SCN8A: variants seen among roughly 807,000 people sequenced by gnomAD.
SCN8A encodes the protein sodium voltage-gated channel alpha subunit 8, also known as sodium channel protein type 8 subunit alpha.
A neutral mutation model predicts 184.1 loss-of-function variants in SCN8A; 30 were observed. The ratio of observed to expected loss-of-function variants is 0.16; its 90% confidence interval spans 0.12 to 0.22. SCN8A has a LOEUF of 0.22. Among genes scored for constraint, SCN8A ranks in the 10% least tolerant of loss-of-function variants. The pLI is 1.00. For missense variants in SCN8A, 1,057 were observed against 2,498.9 expected (o/e 0.42, Z 12.30); for synonymous variants, 852 against 907.0 (o/e 0.94, Z 1.09).
intron 11 of SCN8A, among the ~76,000 whole-genome samples, chr12:51,709,008 G>T (rs1480416652): frequency 6.6e-6 from 1 of 152,144 alleles, no homozygotes; most frequent in African/African-American, 2.4e-5. Flanking sequence ...GATATGCTGG[G>T]GGTGTTAGAA....
chr12:51,689,629 A>G (rs1465350079), intron 6 of SCN8A: 1 of 154,226 alleles, frequency 6.5e-6, no homozygotes, highest in African/African-American at 2.4e-5. Context: ...AGTGAACTGC[A>G]CTTAAATAAT....
chr12:51,662,232 C>G (rs1352174547), intron 1 of SCN8A, among the ~76,000 whole-genome samples: 2 of 152,308 alleles, frequency 1.3e-5, no homozygotes, highest in East Asian at 3.9e-4. Context: ...AGAACTAAAG[C>G]AGATGGAAGC....
chr12:51,772,808 A>G (rs955690604), intron 19 of SCN8A, among the ~76,000 whole-genome samples: 10 of 145,684 alleles, frequency 6.9e-5, no homozygotes, highest in East Asian at 2.0e-4. Context: ...GTGAAACCCC[A>G]TCTCTACTAA....
intron 12 of SCN8A, among the ~76,000 whole-genome samples, chr12:51,741,090 G>GTCTATCTC (rs1942414573): frequency 6.6e-6 from 1 of 152,142 alleles, no homozygotes; most frequent in African/African-American, 2.4e-5. Context: ...CTAGCCTGAG[G>GTCTATCTC]TCTATCTCTT....
chr12:51,724,314 G>A (rs1238912902), intron 12 of SCN8A, among the ~76,000 whole-genome samples: 1 of 152,112 alleles, frequency 6.6e-6, no homozygotes, highest in African/African-American at 2.4e-5. Context: ...AGGCATGGTG[G>A]TATGCGCCTA....
At chr12:51,735,675 G>A (rs1160813165) in intron 12 of SCN8A, among the ~76,000 whole-genome samples, 2 of 152,172 alleles carry the variant, frequency 1.3e-5, no homozygotes, top group African/African-American at 4.8e-5. Flanking sequence ...GTGGGTGGCT[G>A]TGGTTGACGG....
At chr12:51,698,521 C>T (rs1003475212) in intron 6 of SCN8A, among the ~76,000 whole-genome samples, 2 of 152,110 alleles carry the variant, frequency 1.3e-5, no homozygotes, top group Admixed American at 6.6e-5. Flanking sequence ...CTATGGATAG[C>T]CTGATATCTG....
At chr12:51,680,186 CTG>C (rs1490582469) in intron 2 of SCN8A, among the ~76,000 whole-genome samples, 8 of 152,008 alleles carry the variant, frequency 5.3e-5, no homozygotes, top group African/African-American at 1.5e-4. Flanking sequence ...AACAGAAAAA[CTG>C]TTTTTATACT....
In SCN8A at chr12:51,620,708, CTA is replaced by C. The variant is rs143597390; in HGVS notation, c.-55+29351_-55+29352del. ...AGACTTAAAAAAAAAAAGAAAAAAA[CTA>C]TGTGTGGTGATTCACGCCTGTAATC... On this transcript the variant is annotated intron_variant, in intron 1 of 26. Transcript: ENST00000627620. Among the ~76,000 whole-genome samples, 312 of 151,644 alleles carry C rather than the reference CTA, an allele frequency of 2.1e-3. 1 individual carries two copies. The highest frequency in any genetic ancestry group is 7.2e-3 in the African/African-American group (299 of 41,356).
intron 1 of SCN8A, among the ~76,000 whole-genome samples, chr12:51,622,713 A>T (rs564970942): frequency 2.0e-5 from 3 of 151,754 alleles, no homozygotes; most frequent in Non-Finnish European, 2.9e-5. Flanking sequence ...TAAAGTTACT[A>T]TTTTTTTTCT....
At chr12:51,653,558 G>T (rs1940761887) in intron 1 of SCN8A, among the ~76,000 whole-genome samples, 2 of 152,016 alleles carry the variant, frequency 1.3e-5, no homozygotes, top group Non-Finnish European at 2.9e-5. Context: ...TTCACATTTT[G>T]TTTATTCATT....
Position 51,665,111 on chromosome 12 carries a change from T to C in SCN8A, c.276+2018T>C, listed in dbSNP as rs80322402. On this transcript the variant is annotated intron_variant, in intron 2 of 26. Transcript: ENST00000627620. ...AAACCTGACAGGAGATATGAAAAAA[T>C]ATATAGAGCTAATAGTTGTTAGAGC... Among the ~76,000 whole-genome samples, 1,347 of 152,316 alleles carry C rather than the reference T, an allele frequency of 8.8e-3. 25 individuals carry two copies. Among genetic ancestry groups the C allele is most frequent in the African/African-American group, 0.031 (1,287 of 41,554 alleles).
rs991134835 is a variant in SCN8A, at chr12:51,651,130, C to T, written c.-54-11634C>T. 2.0e-5 allele frequency among the ~76,000 whole-genome samples: 3 copies of T among 152,296 alleles called. No homozygotes were observed. In the South Asian group the frequency reaches 6.2e-4, roughly 32 times the overall value. ...CTGGGCGGGCCAGGTGTTCCTTGCT[C>T]TCATTCCCGTAAACCCACAACCTTC... On this transcript the variant is annotated intron_variant, in intron 1 of 26. Coordinates refer to ENST00000627620, the MANE Select transcript of SCN8A (RefSeq NM_001330260.2).
At chr12:51,795,018 TTA>T (rs1402415616) in intron 26 of SCN8A, among the ~76,000 whole-genome samples, 2 of 152,176 alleles carry the variant, frequency 1.3e-5, no homozygotes, top group Non-Finnish European at 2.9e-5. Context: ...AAGTTGGCCA[TTA>T]ATGAAATAGT....
At chr12:51,741,735 A>G (rs1942427263) in intron 12 of SCN8A, among the ~76,000 whole-genome samples, 1 of 152,106 alleles carries the variant, frequency 6.6e-6, no homozygotes, top group Non-Finnish European at 1.5e-5. Flanking sequence ...TTTGAGACAG[A>G]GTTTCACTCT....
At chr12:51,665,284 A>T (rs1941010861) in intron 2 of SCN8A, among the ~76,000 whole-genome samples, 1 of 152,308 alleles carries the variant, frequency 6.6e-6, no homozygotes, top group South Asian at 2.1e-4. Context: ...GGTGTCATTC[A>T]TTGGATAGGC....
intron 1 of SCN8A, among the ~76,000 whole-genome samples, chr12:51,633,114 C>T (rs1940235063): frequency 6.6e-6 from 1 of 152,192 alleles, no homozygotes; most frequent in South Asian, 2.1e-4. Flanking sequence ...GAAACTACAA[C>T]ACTGTTTTCC....
intron 11 of SCN8A, among the ~76,000 whole-genome samples, chr12:51,716,542 G>A (rs1356073724): frequency 6.6e-6 from 1 of 152,126 alleles, no homozygotes; most frequent in African/African-American, 2.4e-5. Context: ...TAGGGTGGCT[G>A]CATGGTAGGG....
intron 1 of SCN8A, among the ~76,000 whole-genome samples, chr12:51,595,704 G>A (rs1405019805): frequency 6.6e-6 from 1 of 152,144 alleles, no homozygotes; most frequent in Non-Finnish European, 1.5e-5. Context: ...CTGACACATA[G>A]TGCTTAATAT....
Sources: allele counts gnomAD v4.1 joint callset (sites outside exome capture counted in the v4.1 genomes callset), GRCh38; gene constraint gnomAD v4.1.1; transcripts MANE v1.5; gene names NCBI Gene and HGNC (gene_info 2026-07-23, HGNC 2026-07-21).